DLG2: variants seen among roughly 807,000 people sequenced by gnomAD.
DLG2 encodes the protein disks large homolog 2.
In DLG2, 45 loss-of-function variants were observed where a neutral mutation model predicts 132.5. The ratio of observed to expected loss-of-function variants is 0.34; its 90% confidence interval spans 0.27 to 0.44. DLG2 has a LOEUF of 0.44. Ranked by LOEUF, DLG2 falls within the 20% of genes least tolerant of loss-of-function variation. The pLI, the probability that DLG2 is intolerant of heterozygous loss-of-function variation, is 1.00. For synonymous variants in DLG2, 424 were observed against 419.6 expected (o/e 1.01, Z -0.13); for missense variants, 1,045 against 1,196.9 (o/e 0.87, Z 1.87).
At chr11:84,262,491 T>G (rs1416407958) in intron 7 of DLG2, among the ~76,000 whole-genome samples, 1 of 152,250 alleles carries the variant, frequency 6.6e-6, no homozygotes, top group Admixed American at 6.5e-5. Context: ...TCATGTCTTA[T>G]ATTAAAAATG....
At chr11:83,933,204 G>A (rs544783995) in intron 14 of DLG2, among the ~76,000 whole-genome samples, 2 of 152,278 alleles carry the variant, frequency 1.3e-5, no homozygotes, top group Non-Finnish European at 2.9e-5. Context: ...AGTGCCAAGG[G>A]GAAATGACTT....
chr11:83,580,031 G>A (rs889593387), intron 19 of DLG2, among the ~76,000 whole-genome samples: 2 of 151,766 alleles, frequency 1.3e-5, no homozygotes, highest in African/African-American at 4.8e-5. Flanking sequence ...TGACACTGAG[G>A]GAGAAACAGC....
chr11:84,897,930 T>C (rs1033178128), intron 6 of DLG2, among the ~76,000 whole-genome samples: 3 of 151,790 alleles, frequency 2.0e-5, no homozygotes, highest in South Asian at 2.1e-4. Context: ...GAAAAATACA[T>C]AAGCTCCTAT....
chr11:84,857,720 T>C (rs986202253), intron 6 of DLG2, among the ~76,000 whole-genome samples: 97 of 152,232 alleles, frequency 6.4e-4, no homozygotes, highest in African/African-American at 2.2e-3. Flanking sequence ...CATCTCAACA[T>C]TGATAAATTA....
chr11:83,520,980 C>T (rs1040562783), intron 21 of DLG2, among the ~76,000 whole-genome samples: 2 of 152,186 alleles, frequency 1.3e-5, no homozygotes, highest in African/African-American at 4.8e-5. Context: ...AGACTGCCAA[C>T]TTCAAAGGAA....
At chr11:84,225,799 GTCTT>G (rs1337386252) in intron 8 of DLG2, among the ~76,000 whole-genome samples, 1 of 149,272 alleles carries the variant, frequency 6.7e-6, no homozygotes, top group Admixed American at 6.7e-5. Flanking sequence ...ATTTTCTTTT[GTCTT>G]TTTTTTTTTT....
chr11:85,425,523 G>GA (rs964513186), intron 3 of DLG2, among the ~76,000 whole-genome samples: 3 of 151,590 alleles, frequency 2.0e-5, no homozygotes, highest in Admixed American at 6.6e-5. Flanking sequence ...ACTTTAAATT[G>GA]AAAAAAAACT....
intron 7 of DLG2, among the ~76,000 whole-genome samples, chr11:84,330,098 A>C (rs1277510309): frequency 6.6e-6 from 1 of 152,168 alleles, no homozygotes; most frequent in Non-Finnish European, 1.5e-5. Context: ...ATTATGCTCA[A>C]CAATGTCTAT....
chr11:85,482,671 T>A (rs1251596518), intron 3 of DLG2, among the ~76,000 whole-genome samples: 4 of 152,016 alleles, frequency 2.6e-5, no homozygotes, highest in East Asian at 1.9e-4. Context: ...GTCCCAGGTA[T>A]CAGGCAAGTA....
At chr11:84,430,429 C>G (rs546109152) in intron 7 of DLG2, among the ~76,000 whole-genome samples, 2 of 137,896 alleles carry the variant, frequency 1.5e-5, no homozygotes, top group African/African-American at 6.0e-5. Context: ...CAGAGGGAGA[C>G]TCCATCTCAA....
At chr11:83,670,413 T>C (rs1293457321) in intron 18 of DLG2, among the ~76,000 whole-genome samples, 2 of 152,070 alleles carry the variant, frequency 1.3e-5, no homozygotes, top group Non-Finnish European at 1.5e-5. Context: ...TGACTCTATA[T>C]ATGGAGTCTC....
At chr11:83,524,272 C>G (rs185474935) in intron 21 of DLG2, among the ~76,000 whole-genome samples, 56 of 152,242 alleles carry the variant, frequency 3.7e-4, no homozygotes, top group African/African-American at 1.3e-3. Flanking sequence ...AAATTAGTAG[C>G]ATGCCTAACA....
intron 4 of DLG2, among the ~76,000 whole-genome samples, chr11:85,197,710 T>G (rs2081172076): frequency 6.6e-6 from 1 of 152,190 alleles, no homozygotes; most frequent in South Asian, 2.1e-4. Flanking sequence ...CTTTATTTTA[T>G]AAACAAAGAG....
At chr11:84,595,473 A>G (rs1037064739) in intron 6 of DLG2, among the ~76,000 whole-genome samples, 21 of 148,560 alleles carry the variant, frequency 1.4e-4, no homozygotes, top group African/African-American at 4.9e-4. Flanking sequence ...AAAAAGGTAA[A>G]TTTCCTTTTT....
chr11:85,081,709 A>G lies in DLG2; in HGVS notation c.357+29952T>C, dbSNP rs76338275. Among the ~76,000 whole-genome samples the G allele has an allele frequency of 5.7e-3, 868 of 152,272 alleles. 12 individuals carry two copies. Among genetic ancestry groups the G allele is most frequent in the African/African-American group, 0.019 (801 of 41,562 alleles). The stretch of plus-strand genomic sequence containing the variant: ...CAGCAACTTTAATGTAAGCTATTGG[A>G]GTTGGAATTACTGTGGCTGCTGGCA... On this transcript the variant is annotated intron_variant, in intron 6 of 27. Transcript: ENST00000376104.
At chr11:83,951,671 C>G (rs1001995128) in intron 14 of DLG2, among the ~76,000 whole-genome samples, 2 of 152,178 alleles carry the variant, frequency 1.3e-5, no homozygotes, top group South Asian at 2.1e-4. Flanking sequence ...GTCTGAGTAT[C>G]AGTGAAGGGA....
chr11:84,197,036 C>CAAAAAAAAAAAAAAAAAAAGAAAAAAAA (rs2096529099), intron 8 of DLG2, among the ~76,000 whole-genome samples: 3 of 87,934 alleles, frequency 3.4e-5, no homozygotes, highest in Non-Finnish European at 6.3e-5. Context: ...GACTCTTTCT[C>CAAAAAAAAAAAAAAAAAAAGAAAAAAAA]AAAAAAAAAA....
intron 18 of DLG2, among the ~76,000 whole-genome samples, chr11:83,698,539 G>GGAAGGACCTCAATGTA (rs2082308935): frequency 6.6e-6 from 1 of 152,110 alleles, no homozygotes; most frequent in Admixed American, 6.5e-5. Context: ...AACCTAGCCT[G>GGAAGGACCTCAATGTA]GAAGGACCTC....
chr11:84,753,621 T>C (rs1352245608), intron 6 of DLG2, among the ~76,000 whole-genome samples: 22 of 152,190 alleles, frequency 1.4e-4, no homozygotes, highest in Admixed American at 1.4e-3. Flanking sequence ...AGCTATTGAA[T>C]AGTTATGTAT....
Sources: gnomAD v4.1 joint callset for allele counts (sites outside exome capture counted in the v4.1 genomes callset) on GRCh38, gnomAD v4.1.1 for gene constraint, MANE v1.5 for transcripts, NCBI Gene and HGNC (gene_info 2026-07-23, HGNC 2026-07-21) for gene names.